STARD9: variants seen among roughly 807,000 people sequenced by gnomAD.
The protein encoded by STARD9 is stAR-related lipid transfer protein 9.
In STARD9, 346 loss-of-function variants were observed where a neutral mutation model predicts 399.8. The observed-to-expected ratio is 0.87, with a 90% CI of 0.79 to 0.95. STARD9 has a LOEUF of 0.95. Among genes scored for constraint, STARD9 ranks in the 40% least tolerant of loss-of-function variants. STARD9 has a pLI of 0.00. For synonymous variants in STARD9, 2,203 were observed against 2,143.5 expected (o/e 1.03, Z -0.77); for missense variants, 5,832 against 5,667.5 (o/e 1.03, Z -0.93).
chr15:42,603,619 C>T (rs1048215261), intron 3 of STARD9, among the ~76,000 whole-genome samples: 2 of 152,048 alleles, frequency 1.3e-5, no homozygotes, highest in African/African-American at 2.4e-5. Context: ...AAATCAGTCT[C>T]CCCAAATATG....
Position 42,685,849 on chromosome 15 carries a change from C to G in STARD9, c.4271C>G (p.Ser1424Cys). ...TCTGCTGCTGATACGTCTAGGCTGTCTCTCTGGGGAATTCAAAGGCTTATT... is the reference window on the plus strand; with the variant it reads ...TCTGCTGCTGATACGTCTAGGCTGTGTCTCTGGGGAATTCAAAGGCTTATT... The part of the protein sequence containing the change: ...TASAADTSRL[S>C]LWGIQRLIQP... The change falls in exon 23 of 33, where the codon TCT becomes TGT. Residue 1424 changes from serine (S) to cysteine (C), a missense_variant. Physicochemically the swap from Ser to Cys is moderately radical, Grantham distance 112. Around this residue, in one of 2 missense-constraint regions of STARD9, gnomAD observed 5,828 missense variants for 5,651.1 expected, o/e 1.03. Transcript: ENST00000290607. 2.0e-6 allele frequency: 3 copies of G among 1,537,158 alleles called. No homozygotes were observed. Among genetic ancestry groups the G allele is most frequent in the Non-Finnish European group, 2.6e-6 (3 of 1,146,932 alleles).
Position 42,694,179 on chromosome 15 carries a change from G to A in STARD9, c.12601G>A (p.Val4201Ile), listed in dbSNP as rs541582323. ...CAAGAGGGAGCAGATCCCCCTGCAA[G>A]TTGGGGCCCAGAACCTCTCACTCAG... ...WSKREQIPLQ[V>I]GAQNLSLSVE... Residue 4201 changes from valine to isoleucine, a missense_variant, in exon 23 of 33, where the codon GTT becomes ATT. Coordinates refer to ENST00000290607, the MANE Select transcript of STARD9 (RefSeq NM_020759.3). The A allele has an allele frequency of 8.5e-6, 13 of 1,535,558 alleles. No individual in the cohort carries two copies. The South Asian group carries it at 1.4e-4, about 17-fold the overall frequency.
chr15:42,707,223 T>G lies in STARD9; in HGVS notation c.13285-9454T>G, dbSNP rs2061107550. Among the ~76,000 whole-genome samples, 4 of 152,206 alleles carry G rather than the reference T, an allele frequency of 2.6e-5. 1 individual carries two copies. Among genetic ancestry groups the G allele is most frequent in the Admixed American group, 1.3e-4 (2 of 15,272 alleles). ...ATGATGCCAGATTTTGGCAGGACTT[T>G]GAGGATATTGGAACCATTACAGGTT... On this transcript the variant is annotated intron_variant, in intron 26 of 32. Coordinates refer to ENST00000290607, the MANE Select transcript of STARD9 (RefSeq NM_020759.3).
At position 42,691,803 on chromosome 15, in the gene STARD9, A is replaced by G. The variant is rs778317338; in HGVS notation, c.10225A>G (p.Met3409Val). The change falls in exon 23 of 33, where the codon ATG becomes GTG. Residue 3409 changes from methionine to valine, a missense_variant. By Grantham distance (21) the Met-to-Val change is conservative. Coordinates refer to ENST00000290607, the MANE Select transcript of STARD9 (RefSeq NM_020759.3). ...HLKPATPPYP[M>V]PSTLSHMPTP... ...GAAGCCTGCCACCCCTCCTTATCCA[A>G]TGCCTTCCACTCTCTCACACATGCC... 8.1e-5 allele frequency: 125 copies of G among 1,537,122 alleles called. No homozygotes were observed. The Middle Eastern group carries it at 5.5e-3, about 68-fold the overall frequency.
chr15:42,686,608 A>G lies in STARD9; in HGVS notation c.5030A>G (p.Lys1677Arg). ...HWSQGWAPLR[K>R]NSAVQPGQLS... The stretch of plus-strand genomic sequence containing the variant: ...TCCCAAGGCTGGGCTCCTCTCAGGA[A>G]AAATAGTGCAGTCCAGCCAGGGCAA... Residue 1677 changes from lysine (K) to arginine (R), a missense_variant, in exon 23 of 33, where the codon AAA becomes AGA. This residue lies in a region of STARD9 where 5,828 missense variants were observed against 5,651.1 expected (regional missense o/e 1.03). Coordinates refer to ENST00000290607, the MANE Select transcript of STARD9 (RefSeq NM_020759.3). The G allele has an allele frequency of 2.0e-6, 3 of 1,537,348 alleles. No homozygotes were observed. The highest frequency in any genetic ancestry group is 1.7e-6 in the Non-Finnish European group (2 of 1,146,970).
At chr15:42,663,146 C>T in intron 11 of STARD9, 135 bp from the exon 12 acceptor site, 1 of 909,396 alleles carries the variant, frequency 1.1e-6, no homozygotes, top group Non-Finnish European at 1.6e-6. Flanking sequence ...TTAGGAATAC[C>T]TAAAATATCC....
rs148751523 is a variant in STARD9 at position 42,584,467 on chromosome 15, G to A, written c.117+1052G>A. On this transcript the variant is annotated intron_variant, in intron 2 of 32. Coordinates refer to ENST00000290607, the MANE Select transcript of STARD9 (RefSeq NM_020759.3). ...CTCAGCCAAGATCAAACTTTAATCT[G>A]CCTTCTGCACACCTCCCTGGCTGCT... Among the ~76,000 whole-genome samples the A allele has an allele frequency of 2.0e-5, 3 of 152,276 alleles. No homozygotes were observed. In the East Asian group the frequency reaches 5.8e-4, roughly 29 times the overall value.
In STARD9 at chr15:42,616,693, C is replaced by A. The variant is rs192445656; in HGVS notation, c.235-18163C>A. The stretch of plus-strand genomic sequence containing the variant: ...GATCACCAGGTCAGGAGATCGAGAC[C>A]ATCCTGGCTAACACGGTGAAACCCC... On this transcript the variant is annotated intron_variant, in intron 3 of 32. Transcript: ENST00000290607. Among the ~76,000 whole-genome samples the A allele has an allele frequency of 2.5e-3, 386 of 151,954 alleles. 2 individuals carry two copies. Among genetic ancestry groups the A allele is most frequent in the African/African-American group, 8.9e-3 (369 of 41,450 alleles).
At chr15:42,597,710 AT>A (rs1291681023) in intron 3 of STARD9, among the ~76,000 whole-genome samples, 3 of 150,990 alleles carry the variant, frequency 2.0e-5, no homozygotes. Context: ...TAATTTTTGT[AT>A]TTTTTAGTAG....
At chr15:42,584,456 A>T (rs2058234529) in intron 2 of STARD9, among the ~76,000 whole-genome samples, 1 of 152,204 alleles carries the variant, frequency 6.6e-6, no homozygotes, top group South Asian at 2.1e-4. Flanking sequence ...GCCAAGATCA[A>T]ACTTTAATCT....
intron 3 of STARD9, among the ~76,000 whole-genome samples, chr15:42,614,445 A>G (rs180881718): frequency 2.0e-5 from 3 of 152,340 alleles, no homozygotes; most frequent in African/African-American, 4.8e-5. Flanking sequence ...GCTCAAACTC[A>G]TTGTTACTCT....
rs761933742 is a variant in STARD9, at chr15:42,690,735, C to T, written c.9157C>T (p.Arg3053Ter). The T allele has an allele frequency of 1.0e-5, 16 of 1,537,094 alleles. No homozygotes were observed. Among genetic ancestry groups the T allele is most frequent in the East Asian group, 2.4e-5 (1 of 40,924 alleles). ...TTCTACTGTGGCTGCTGTCCTATCTCGAGCTCAAGGCTGCAGATCCCCTTC... is the reference window on the plus strand; with the variant it reads ...TTCTACTGTGGCTGCTGTCCTATCTTGAGCTCAAGGCTGCAGATCCCCTTC... ...EPSTVAAVLS[R>*]AQGCRSPSAP... The change falls in exon 23 of 33, where the codon CGA becomes TGA. Residue 3053 changes from arginine (R) to a stop codon, truncating the protein, a stop_gained. Transcript: ENST00000290607. LOFTEE classifies it high-confidence loss of function.
Position 42,685,224 on chromosome 15 carries a change from GA to G in STARD9, c.3648del (p.Asp1217IlefsTer29), listed in dbSNP as rs1199237920. On this transcript the variant is annotated frameshift_variant, in exon 23 of 33. Coordinates refer to ENST00000290607, the MANE Select transcript of STARD9 (RefSeq NM_020759.3). LOFTEE classifies it high-confidence loss of function. ...GATTGATGCAGAGGAAGAACTGGGG[GA>G]AGATCAGCAAGAAGAACCTTTCCCT... ...SLIDAEEELG[E>X]DQQEEPFPGS... 1 of 1,537,296 alleles carries G rather than the reference GA, an allele frequency of 6.5e-7. No individual in the cohort carries two copies. The highest frequency in any genetic ancestry group is 8.7e-7 in the Non-Finnish European group (1 of 1,146,958).
rs1052102592 is a variant in STARD9, at chr15:42,691,082, T to C, written c.9504T>C (p.Thr3168=). ...EPQHECLENT[T]RCFLEKPQFS... ...AGCATGAATGTTTAGAAAATACCAC[T>C]AGATGTTTTTTGGAAAAGCCACAAT... Residue 3168 remains threonine, a synonymous_variant, in exon 23 of 33, where the codon ACT becomes ACC. Coordinates refer to ENST00000290607, the MANE Select transcript of STARD9 (RefSeq NM_020759.3). 4 of 1,537,046 alleles carry C rather than the reference T, an allele frequency of 2.6e-6. No homozygotes were observed. Among genetic ancestry groups the C allele is most frequent in the African/African-American group, 2.7e-5 (2 of 73,000 alleles).
rs1046051351 is a variant in STARD9 at position 42,651,186 on chromosome 15, C to G, written c.629+101C>G. ...TGTATAATGACACTTAAAATTGTCTCTGTGTGTAGAGATGTTCACAACCAG... is the reference window on the plus strand; with the variant it reads ...TGTATAATGACACTTAAAATTGTCTGTGTGTGTAGAGATGTTCACAACCAG... On this transcript the variant is annotated intron_variant, in intron 8 of 32. Coordinates refer to ENST00000290607, the MANE Select transcript of STARD9 (RefSeq NM_020759.3). The G allele has an allele frequency of 9.8e-6, 8 of 813,430 alleles. No individual in the cohort carries two copies. The African/African-American group carries it at 1.0e-4, about 10-fold the overall frequency. The allele number at this position is 813,430 out of a possible 1,614,324, so 50.4% of individuals were successfully genotyped here. A position where few individuals can be genotyped will look rare whatever the true frequency, so the allele number is the denominator to read the frequency against.
chr15:42,716,650 C>G, intron 26 of STARD9, 27 bp from the exon 27 acceptor site: 1 of 1,427,044 alleles, frequency 7.0e-7, no homozygotes, highest in Non-Finnish European at 9.6e-7. Flanking sequence ...CCTTCTGGCT[C>G]TGTCCTGAGT....
intron 3 of STARD9, among the ~76,000 whole-genome samples, chr15:42,590,983 G>T (rs1266463543): frequency 6.6e-6 from 1 of 152,224 alleles, no homozygotes; most frequent in African/African-American, 2.4e-5. Flanking sequence ...AACTGTGTCA[G>T]TGCTGCCTTG....
chr15:42,619,550 T>C (rs1276559505), intron 3 of STARD9, among the ~76,000 whole-genome samples: 1 of 69,864 alleles, frequency 1.4e-5, no homozygotes, highest in Non-Finnish European at 3.7e-5. Flanking sequence ...CAAGACTGTC[T>C]CAAAAAAAAA....
At chr15:42,716,858 G>C (rs530762141) in intron 27 of STARD9, 69 bp from the exon 28 acceptor site, 3 of 1,531,952 alleles carry the variant, frequency 2.0e-6, no homozygotes, top group Middle Eastern at 1.8e-4. Context: ...CTGGTCTGTG[G>C]GAGAGCTGTT....
Sources: allele counts gnomAD v4.1 joint callset (sites outside exome capture counted in the v4.1 genomes callset), GRCh38; gene constraint gnomAD v4.1.1; regional missense constraint gnomAD v4.1.1; transcripts MANE v1.5; gene names NCBI Gene and HGNC (gene_info 2026-07-23, HGNC 2026-07-21).